EGF: variants seen among roughly 807,000 people sequenced by gnomAD.
The protein encoded by EGF is pro-epidermal growth factor.
In EGF, 95 loss-of-function variants were observed where a neutral mutation model predicts 143.8. The ratio of observed to expected loss-of-function variants is 0.66; its 90% CI spans 0.56 to 0.78. EGF has a LOEUF of 0.78. Among genes scored for constraint, EGF ranks in the 30% least tolerant of loss-of-function variants. The pLI, the probability that EGF is intolerant of heterozygous loss-of-function variation, is 0.00. For synonymous variants in EGF, 510 were observed against 510.5 expected, an observed-to-expected ratio of 1.00 and a Z score of 0.01; for missense variants, 1,320 against 1,470.9, an observed-to-expected ratio of 0.90 and a Z score of 1.68.
Position 109,943,819 on chromosome 4 carries a change from C to T in EGF, c.510-23C>T, listed in dbSNP as rs747964253. The T allele has an allele frequency of 1.1e-5, 18 of 1,603,800 alleles. 1 individual carries two copies. In the Admixed American group the frequency reaches 1.3e-4, roughly 12 times the overall value. On this transcript the variant is annotated intron_variant, in intron 3 of 23. Transcript: ENST00000265171. ...AGGCACTATACATTCATTTTTGGGTCTATGTAATGTGTTTGCCCTCAGGTT... is the reference window on the plus strand; with the variant it reads ...AGGCACTATACATTCATTTTTGGGTTTATGTAATGTGTTTGCCCTCAGGTT...
rs1162274772 is a variant in EGF, at chr4:109,961,905, A to G, written c.1232A>G (p.Asp411Gly). 2 of 1,613,952 alleles carry G rather than the reference A, an allele frequency of 1.2e-6. No individual in the cohort carries two copies. Among genetic ancestry groups the G allele is most frequent in the Non-Finnish European group, 8.5e-7 (1 of 1,179,858 alleles). The change falls in exon 8 of 24, where the codon GAC becomes GGC. Residue 411 changes from aspartate (D) to glycine (G), a missense_variant. Asp to Gly is a moderately conservative substitution (Grantham distance 94). Around this residue, in one of 5 missense-constraint regions of EGF, gnomAD observed 1,186 missense variants for 1,313.7 expected, o/e 0.90. Transcript: ENST00000265171. Reference protein sequence around the residue: ...CPRNVSECSHDCVLTSEGPLC... With the variant: ...CPRNVSECSHGCVLTSEGPLC... ...CGCAATGTGTCTGAATGCAGCCATG[A>G]CTGTGTTCTGACATCAGAAGGTCCC...
At position 109,932,799 on chromosome 4, in the gene EGF, A is replaced by T. The variant is rs1740025360; in HGVS notation, c.128-8147A>T. ...GCATAGACTATAGAGCATGCATGAT[A>T]CACATAGCAGAGAACTCTTAGAAAT... On this transcript the variant is annotated intron_variant, in intron 1 of 23. Transcript: ENST00000265171. Among the ~76,000 whole-genome samples the T allele has an allele frequency of 2.6e-5, 4 of 152,200 alleles. No individual in the cohort carries two copies. The South Asian group carries it at 8.3e-4, about 32-fold the overall frequency.
intron 12 of EGF, 117 bp downstream of exon 12, chr4:109,974,924 CA>C: frequency 1.4e-6 from 1 of 720,338 alleles, no homozygotes; most frequent in Non-Finnish European, 2.4e-6. Flanking sequence ...TTCAAATCTT[CA>C]GCATGAATTC....
chr4:109,943,737 A>T (rs1158370052), intron 3 of EGF, 105 bp from the exon 4 acceptor site: 2 of 974,468 alleles, frequency 2.1e-6, no homozygotes, highest in Non-Finnish European at 3.2e-6. Context: ...TTCATTCAAA[A>T]TAGTCAAACT....
intron 1 of EGF, among the ~76,000 whole-genome samples, chr4:109,932,625 G>T (rs1162984042): frequency 6.6e-6 from 1 of 151,512 alleles, no homozygotes; most frequent in Non-Finnish European, 1.5e-5. Context: ...TGATCCGCCT[G>T]CCTGCCTCGG....
At chr4:109,938,232 A>G (rs1741205578) in intron 1 of EGF, among the ~76,000 whole-genome samples, 1 of 151,838 alleles carries the variant, frequency 6.6e-6, no homozygotes, top group African/African-American at 2.4e-5. Context: ...TTTTTTCTCT[A>G]ATCTTGTCTT....
intron 5 of EGF, among the ~76,000 whole-genome samples, chr4:109,949,584 G>A (rs559984908): frequency 6.6e-6 from 1 of 150,636 alleles, no homozygotes; most frequent in East Asian, 1.9e-4. Context: ...GCAGCCCACA[G>A]GACTCTTGAA....
intron 1 of EGF, among the ~76,000 whole-genome samples, chr4:109,922,981 T>G (rs1193079060): frequency 6.6e-6 from 1 of 151,622 alleles, no homozygotes; most frequent in Non-Finnish European, 1.5e-5. Context: ...TCAACAATGC[T>G]TAGAGAAGTC....
At chr4:109,973,647 C>T (rs545318456) in intron 11 of EGF, among the ~76,000 whole-genome samples, 79 of 151,938 alleles carry the variant, frequency 5.2e-4, no homozygotes, top group South Asian at 1.2e-3. Context: ...TTCCCCTCCC[C>T]GTCCAGTCCA....
intron 14 of EGF, 121 bp downstream of exon 14, chr4:109,980,260 A>G: frequency 2.0e-6 from 2 of 1,021,934 alleles, no homozygotes; most frequent in Non-Finnish European, 2.8e-6. Context: ...CTAACTGTGT[A>G]GATGTTAAGA....
chr4:110,003,528 A>G (rs564236585), intron 21 of EGF, among the ~76,000 whole-genome samples: 1 of 151,368 alleles, frequency 6.6e-6, no homozygotes, highest in South Asian at 2.1e-4. Flanking sequence ...TATCCTTATC[A>G]CTCTTCCTGG....
At chr4:109,968,233 A>T (rs1746927821) in intron 10 of EGF, among the ~76,000 whole-genome samples, 1 of 152,188 alleles carries the variant, frequency 6.6e-6, no homozygotes, top group Admixed American at 6.5e-5. Flanking sequence ...TGAATATAAG[A>T]TTAGAGACTA....
chr4:109,949,795 G>A (rs190032777), intron 5 of EGF, among the ~76,000 whole-genome samples: 6 of 152,328 alleles, frequency 3.9e-5, no homozygotes, highest in Admixed American at 3.9e-4. Flanking sequence ...GTCTGGCCAA[G>A]GCAAGGGAGG....
intron 18 of EGF, among the ~76,000 whole-genome samples, chr4:109,990,228 G>T (rs1316672426): frequency 6.6e-6 from 1 of 152,162 alleles, no homozygotes; most frequent in Non-Finnish European, 1.5e-5. Context: ...GAAACCCTGA[G>T]AAATATCAGG....
At chr4:109,926,348 G>GT (rs1348082142) in intron 1 of EGF, among the ~76,000 whole-genome samples, 2 of 141,670 alleles carry the variant, frequency 1.4e-5, no homozygotes, top group African/African-American at 5.5e-5. Context: ...GTGAGACACT[G>GT]TCTTTTTTTT....
At chr4:109,930,416 T>G (rs1739485558) in intron 1 of EGF, among the ~76,000 whole-genome samples, 1 of 152,186 alleles carries the variant, frequency 6.6e-6, no homozygotes, top group Non-Finnish European at 1.5e-5. Context: ...CTTCCTTATG[T>G]AGGTCCATTA....
chr4:109,939,420 T>C (rs902818551), intron 1 of EGF, among the ~76,000 whole-genome samples: 1 of 152,188 alleles, frequency 6.6e-6, no homozygotes, highest in Non-Finnish European at 1.5e-5. Context: ...GACAAAAGTG[T>C]ACAGTTCCTC....
Position 109,968,673 on chromosome 4 carries a change from C to CATCTATCTATCTATCT in EGF, c.1576-276_1576-261dup, listed in dbSNP as rs10530188. 26,578 of 350,792 alleles carry CATCTATCTATCTATCT rather than the reference C, an allele frequency of 0.076. 911 individuals are homozygous for CATCTATCTATCTATCT. Among genetic ancestry groups the CATCTATCTATCTATCT allele is most frequent in the Middle Eastern group, 0.086 (86 of 1,000 alleles). The allele number at this position is 350,792 out of a possible 1,614,324, so 21.7% of individuals were successfully genotyped here. A position where few individuals can be genotyped will look rare whatever the true frequency, so the allele number is the denominator to read the frequency against. ...ATATATGTATATTTATATCTATATACATCTATCTATCTATCTATCTATCTA... is the reference window on the plus strand; with the variant it reads ...ATATATGTATATTTATATCTATATACATCTATCTATCTATCTATCTATCTATCTATCTATCTATCTA... On this transcript the variant is annotated intron_variant, in intron 10 of 23. Coordinates refer to ENST00000265171, the MANE Select transcript of EGF (RefSeq NM_001963.6).
chr4:109,926,378 G>A (rs1230066366), intron 1 of EGF, among the ~76,000 whole-genome samples: 2 of 146,998 alleles, frequency 1.4e-5, no homozygotes, highest in Non-Finnish European at 3.0e-5. Flanking sequence ...TTTCCGAGAC[G>A]GAGTCTCTCT....
Sources: gnomAD v4.1 joint callset for allele counts (sites outside exome capture counted in the v4.1 genomes callset) on GRCh38, gnomAD v4.1.1 for gene constraint, gnomAD v4.1.1 regional missense constraint, MANE v1.5 for transcripts, NCBI Gene and HGNC (gene_info 2026-07-23, HGNC 2026-07-21) for gene names.